FHIT: variants seen among roughly 807,000 people sequenced by gnomAD.
FHIT encodes the protein fragile histidine triad diadenosine triphosphatase.
Under a neutral mutation model 17.9 loss-of-function variants are expected in FHIT, and 19 were observed. That is an observed-to-expected ratio of 1.06 (90% CI 0.74 to 1.56). The LOEUF is 1.56. Among genes scored for constraint, FHIT ranks in the 40% most tolerant of loss-of-function variants. The pLI, the probability that FHIT is intolerant of heterozygous loss-of-function variation, is 0.00. For synonymous variants in FHIT, 81 were observed against 69.7 expected (o/e 1.16, Z -0.81); for missense variants, 248 against 189.2 (o/e 1.31, Z -1.82).
At chr3:60,788,286 A>G (rs1271893232) in intron 4 of FHIT, among the ~76,000 whole-genome samples, 1 of 152,014 alleles carries the variant, frequency 6.6e-6, no homozygotes, top group Non-Finnish European at 1.5e-5. Context: ...GTGAGACCCT[A>G]TCTCTTAAAA....
chr3:60,614,012 C>T (rs904176932), intron 4 of FHIT, among the ~76,000 whole-genome samples: 7 of 152,004 alleles, frequency 4.6e-5, no homozygotes, highest in Non-Finnish European at 8.8e-5. Context: ...CAGAGAACAG[C>T]ATGAAACATG....
chr3:60,905,132 A>G (rs1553764193), intron 3 of FHIT, among the ~76,000 whole-genome samples: 3 of 152,174 alleles, frequency 2.0e-5, no homozygotes, highest in Non-Finnish European at 4.4e-5. Flanking sequence ...GAGGTTATCA[A>G]TAGGAGAACC....
At chr3:60,853,102 T>A (rs1403210921) in intron 3 of FHIT, among the ~76,000 whole-genome samples, 5 of 152,050 alleles carry the variant, frequency 3.3e-5, no homozygotes, top group African/African-American at 1.2e-4. Flanking sequence ...TATAAGAGCC[T>A]CCTTTTTAGC....
rs578138918 is a variant in FHIT at position 59,748,508 on chromosome 3, G to A, written c.*1077C>T. Among the ~76,000 whole-genome samples the A allele has an allele frequency of 3.3e-5, 5 of 152,204 alleles. No individual in the cohort carries two copies. The highest frequency in any genetic ancestry group is 1.2e-4 in the African/African-American group (5 of 41,538). On this transcript the variant is annotated 3_prime_UTR_variant, in exon 10 of 10. Transcript: ENST00000492590. ...ACCTGGCTGTAGTGTGACCAGGGAG[G>A]CAGGTGCTGGGCAGGGTTGTATTAA...
At chr3:60,301,287 A>G (rs928956998) in intron 5 of FHIT, among the ~76,000 whole-genome samples, 1 of 152,146 alleles carries the variant, frequency 6.6e-6, no homozygotes, top group Non-Finnish European at 1.5e-5. Flanking sequence ...GGACATATAA[A>G]CTAGAGATAG....
At chr3:60,558,844 A>G (rs2036833880) in intron 4 of FHIT, among the ~76,000 whole-genome samples, 1 of 152,148 alleles carries the variant, frequency 6.6e-6, no homozygotes, top group African/African-American at 2.4e-5. Context: ...TGCTCATTTC[A>G]CTTTTCGGCT....
chr3:61,211,152 G>A (rs369680245), intron 1 of FHIT, among the ~76,000 whole-genome samples: 19 of 151,902 alleles, frequency 1.3e-4, no homozygotes, highest in East Asian at 1.2e-3. Flanking sequence ...GACAGTGGGC[G>A]CAGGACAGTG....
intron 4 of FHIT, among the ~76,000 whole-genome samples, chr3:60,652,598 A>G (rs1464683552): frequency 3.9e-5 from 6 of 152,090 alleles, no homozygotes; most frequent in Non-Finnish European, 8.8e-5. Flanking sequence ...GTGTGGTGGC[A>G]GGCACCTGTA....
At chr3:59,994,671 G>C (rs1017671080) in intron 7 of FHIT, among the ~76,000 whole-genome samples, 1 of 152,016 alleles carries the variant, frequency 6.6e-6, no homozygotes, top group African/African-American at 2.4e-5. Context: ...GTTTCTATTT[G>C]CAAGTAAAAT....
At chr3:60,651,541 CTT>C (rs11328354) in intron 4 of FHIT, among the ~76,000 whole-genome samples, 3 of 148,230 alleles carry the variant, frequency 2.0e-5, no homozygotes, top group South Asian at 4.3e-4. Flanking sequence ...TAGATCCAAT[CTT>C]TTTTTTTTTC....
intron 5 of FHIT, among the ~76,000 whole-genome samples, chr3:60,234,576 A>C (rs1704672436): frequency 6.6e-6 from 1 of 152,234 alleles, no homozygotes. Context: ...GCCAGAGCTT[A>C]GATTTTAAAA....
At chr3:61,100,995 C>G (rs918257249) in intron 2 of FHIT, among the ~76,000 whole-genome samples, 2 of 152,130 alleles carry the variant, frequency 1.3e-5, no homozygotes, top group Admixed American at 6.5e-5. Context: ...AAAAATTTCC[C>G]CCATTCTACA....
intron 3 of FHIT, among the ~76,000 whole-genome samples, chr3:60,840,966 T>C (rs957597628): frequency 6.6e-6 from 1 of 152,226 alleles, no homozygotes; most frequent in African/African-American, 2.4e-5. Flanking sequence ...TGCTTGATAA[T>C]AGAAAAGCAA....
At position 60,811,118 on chromosome 3, in the gene FHIT, C is replaced by T. The variant is rs375058471; in HGVS notation, c.-18+10801G>A. On this transcript the variant is annotated intron_variant, in intron 4 of 9. Transcript: ENST00000492590. ...TAAAAGTCTTTCGCACAGTTACTGA[C>T]AACACAGGCATACTTAAATAGAGAC... 3.2e-4 allele frequency among the ~76,000 whole-genome samples: 48 copies of T among 152,230 alleles called. 2 individuals carry two copies. The South Asian group carries it at 1.0e-2, about 32-fold the overall frequency.
chr3:59,951,203 G>A (rs1707098830), intron 7 of FHIT, among the ~76,000 whole-genome samples: 1 of 152,168 alleles, frequency 6.6e-6, no homozygotes, highest in South Asian at 2.1e-4. Context: ...TATTATCCTG[G>A]AAGAGCTAAT....
intron 5 of FHIT, among the ~76,000 whole-genome samples, chr3:60,252,809 C>T (rs939313603): frequency 2.0e-5 from 3 of 149,780 alleles, no homozygotes; most frequent in South Asian, 2.1e-4. Context: ...GCTAACAAGG[C>T]GAAACCCCTT....
intron 4 of FHIT, among the ~76,000 whole-genome samples, chr3:60,665,782 A>G (rs2040367907): frequency 6.6e-6 from 1 of 152,030 alleles, no homozygotes; most frequent in Non-Finnish European, 1.5e-5. Flanking sequence ...GTAACTATTG[A>G]TAAGTTAGCA....
chr3:60,464,761 G>A (rs2032689951), intron 5 of FHIT, among the ~76,000 whole-genome samples: 1 of 152,020 alleles, frequency 6.6e-6, no homozygotes, highest in East Asian at 1.9e-4. Flanking sequence ...CCATTCCTCT[G>A]TTAGGGACAC....
At chr3:60,918,737 G>C (rs1553767636) in intron 3 of FHIT, among the ~76,000 whole-genome samples, 1 of 152,130 alleles carries the variant, frequency 6.6e-6, no homozygotes, top group East Asian at 1.9e-4. Context: ...ATGGTCCACT[G>C]ACAGGACAAA....
Sources: allele counts gnomAD v4.1 joint callset (sites outside exome capture counted in the v4.1 genomes callset), GRCh38; gene constraint gnomAD v4.1.1; transcripts MANE v1.5; gene names NCBI Gene and HGNC (gene_info 2026-07-23, HGNC 2026-07-21).